Variants in ADARB2 observed in about 807,000 individuals in gnomAD.
ADARB2 encodes the protein inactive double-stranded RNA-specific editase B2.
ADARB2 carries 25 observed loss-of-function variants against 62.2 expected under a neutral mutation model. The ratio of observed to expected loss-of-function variants is 0.40; its 90% CI spans 0.29 to 0.56. ADARB2 has a LOEUF of 0.56. Ranked by LOEUF, ADARB2 falls within the 20% of genes least tolerant of loss-of-function variation. The pLI is 0.43. For synonymous variants in ADARB2, 572 were observed against 500.8 expected, an observed-to-expected ratio of 1.14 and a Z score of -1.90; for missense variants, 1,071 against 1,077.4, an observed-to-expected ratio of 0.99 and a Z score of 0.08.
At chr10:1,489,266 C>T (rs1300514797) in intron 1 of ADARB2, among the ~76,000 whole-genome samples, 1 of 149,448 alleles carries the variant, frequency 6.7e-6, no homozygotes, top group African/African-American at 2.5e-5. Context: ...CTGGGAGCTT[C>T]TGCACCGGAT....
chr10:1,665,164 C>T (rs1302238199), intron 1 of ADARB2, among the ~76,000 whole-genome samples: 1 of 152,244 alleles, frequency 6.6e-6, no homozygotes, highest in Non-Finnish European at 1.5e-5. Context: ...GCTTAGGTCA[C>T]TGCTAACTTC....
intron 3 of ADARB2, among the ~76,000 whole-genome samples, chr10:1,333,192 T>A (rs572378534): frequency 6.6e-6 from 1 of 152,370 alleles, no homozygotes; most frequent in Non-Finnish European, 1.5e-5. Context: ...GCTTTTCTCC[T>A]GGTTTTGATT....
chr10:1,282,067 C>T (rs1036802491), intron 3 of ADARB2, among the ~76,000 whole-genome samples: 1 of 152,168 alleles, frequency 6.6e-6, no homozygotes, highest in African/African-American at 2.4e-5. Flanking sequence ...GGCTGGGGTC[C>T]CCACAGGTTG....
chr10:1,515,645 C>A (rs978218323), intron 1 of ADARB2, among the ~76,000 whole-genome samples: 5 of 152,214 alleles, frequency 3.3e-5, no homozygotes, highest in African/African-American at 1.2e-4. Context: ...GAGGGTGGAC[C>A]CCATCACCTT....
chr10:1,229,454 C>T (rs1201787821), intron 6 of ADARB2, among the ~76,000 whole-genome samples: 1 of 150,706 alleles, frequency 6.6e-6, no homozygotes, highest in Non-Finnish European at 1.5e-5. Context: ...AAGTCAGACT[C>T]ACTTCTCTCC....
At chr10:1,698,904 G>A (rs547885891) in intron 1 of ADARB2, among the ~76,000 whole-genome samples, 2 of 152,288 alleles carry the variant, frequency 1.3e-5, no homozygotes, top group East Asian at 1.9e-4. Context: ...GGGATTACAG[G>A]CACCCACCAC....
intron 1 of ADARB2, among the ~76,000 whole-genome samples, chr10:1,515,343 C>T (rs868426785): frequency 2.0e-5 from 3 of 152,238 alleles, no homozygotes; most frequent in Non-Finnish European, 2.9e-5. Context: ...CCCCCTGAGC[C>T]GACAGAGTCC....
intron 1 of ADARB2, among the ~76,000 whole-genome samples, chr10:1,617,462 C>T (rs374999810): frequency 0.17 from 9,061 of 52,892 alleles, 402 homozygotes; most frequent in African/African-American, 0.31. Context: ...TGCATTCTGT[C>T]GCTAGATGTT....
At chr10:1,471,401 T>C (rs2131917004) in intron 1 of ADARB2, among the ~76,000 whole-genome samples, 1 of 152,256 alleles carries the variant, frequency 6.6e-6, no homozygotes, top group South Asian at 2.1e-4. Flanking sequence ...ACAATTTTTT[T>C]TTTTTTGAGA....
At chr10:1,391,945 T>C (rs1169982039) in intron 1 of ADARB2, among the ~76,000 whole-genome samples, 2 of 151,940 alleles carry the variant, frequency 1.3e-5, no homozygotes, top group Non-Finnish European at 2.9e-5. Context: ...TTTATATTTT[T>C]TGTAGAGATG....
intron 1 of ADARB2, among the ~76,000 whole-genome samples, chr10:1,406,914 G>GCCCC (rs1448425079): frequency 6.6e-6 from 1 of 152,132 alleles, no homozygotes; most frequent in Non-Finnish European, 1.5e-5. Context: ...AGGAGCTTAT[G>GCCCC]CCCCCCTCGC....
intron 1 of ADARB2, among the ~76,000 whole-genome samples, chr10:1,595,551 G>A (rs932925190): frequency 2.0e-5 from 3 of 152,232 alleles, no homozygotes; most frequent in Non-Finnish European, 4.4e-5. Context: ...CAGAGGCTGA[G>A]GGCCGAGGCT....
intron 1 of ADARB2, among the ~76,000 whole-genome samples, chr10:1,504,992 A>G (rs979501173): frequency 7.9e-5 from 12 of 151,958 alleles, no homozygotes; most frequent in Non-Finnish European, 1.5e-4. Flanking sequence ...CATGCAATGC[A>G]CACACATGCA....
rs183457037 is a variant in ADARB2, at chr10:1,654,769, C to T, written c.100+82282G>A. ...GCAATGTCGCCTCTCCCTGACGACT[C>T]TACCAGGTTGGCCCTGCATGCTTCT... On this transcript the variant is annotated intron_variant, in intron 1 of 9. Coordinates refer to ENST00000381312, the MANE Select transcript of ADARB2 (RefSeq NM_018702.4). Among the ~76,000 whole-genome samples, 344 of 152,366 alleles carry T rather than the reference C, an allele frequency of 2.3e-3. 2 individuals carry two copies. The highest frequency in any genetic ancestry group is 3.1e-3 in the Non-Finnish European group (208 of 68,034).
At chr10:1,727,879 C>A (rs546861668) in intron 1 of ADARB2, among the ~76,000 whole-genome samples, 5 of 152,226 alleles carry the variant, frequency 3.3e-5, no homozygotes, top group African/African-American at 1.2e-4. Flanking sequence ...TAGATTTACA[C>A]ATGAATAAAT....
At chr10:1,584,926 T>G (rs1833154414) in intron 1 of ADARB2, among the ~76,000 whole-genome samples, 1 of 152,110 alleles carries the variant, frequency 6.6e-6, no homozygotes, top group South Asian at 2.1e-4. Flanking sequence ...AATGAAAAGA[T>G]CAGGGGTTGC....
At chr10:1,394,653 C>T (rs1832596289) in intron 1 of ADARB2, among the ~76,000 whole-genome samples, 1 of 152,210 alleles carries the variant, frequency 6.6e-6, no homozygotes, top group East Asian at 1.9e-4. Flanking sequence ...TCACGAGCCA[C>T]AGAGGAGCAA....
At chr10:1,194,455 A>G (rs894164323) in intron 8 of ADARB2, among the ~76,000 whole-genome samples, 48 of 152,342 alleles carry the variant, frequency 3.2e-4, no homozygotes, top group African/African-American at 1.1e-3. Flanking sequence ...CTGATTTCTT[A>G]AAATAAATAT....
Position 1,363,822 on chromosome 10 carries a change from C to T in ADARB2, c.283G>A (p.Gly95Ser), listed in dbSNP as rs748408152. The part of the protein sequence containing the change: ...SGDRARGGAP[G>S]AKRKRPLEEG... ...TCCAGCGGCCGCTTCCTCTTCGCGCCGGGCGCGCCGCCCCGGGCCCGGTCC... is the reference window on the plus strand; with the variant it reads ...TCCAGCGGCCGCTTCCTCTTCGCGCTGGGCGCGCCGCCCCGGGCCCGGTCC... Residue 95 changes from glycine (G) to serine (S), a missense_variant, in exon 3 of 10, where the codon GGC becomes AGC. By Grantham distance (56) the Gly-to-Ser change is moderately conservative. Coordinates refer to ENST00000381312, the MANE Select transcript of ADARB2 (RefSeq NM_018702.4). 4.4e-6 allele frequency: 7 copies of T among 1,579,048 alleles called. No individual in the cohort carries two copies. The highest frequency in any genetic ancestry group is 3.4e-5 in the South Asian group (3 of 88,470).
Sources: gnomAD v4.1 joint callset for allele counts (sites outside exome capture counted in the v4.1 genomes callset) on GRCh38, gnomAD v4.1.1 for gene constraint, MANE v1.5 for transcripts, NCBI Gene and HGNC (gene_info 2026-07-23, HGNC 2026-07-21) for gene names.